GPAM: variants seen among roughly 807,000 people sequenced by gnomAD.
The protein encoded by GPAM is glycerol-3-phosphate acyltransferase 1, mitochondrial.
A neutral mutation model predicts 105.0 loss-of-function variants in GPAM; 56 were observed. That is an observed-to-expected ratio of 0.53 (90% CI 0.43 to 0.67). The LOEUF (loss-of-function observed/expected upper bound fraction) is 0.67. Ranked by LOEUF, GPAM falls within the 30% of genes least tolerant of loss-of-function variation. GPAM has a pLI of 0.00. For missense variants in GPAM, 855 were observed against 989.8 expected (o/e 0.86, Z 1.83); for synonymous variants, 368 against 354.4 (o/e 1.04, Z -0.43).
intron 17 of GPAM, among the ~76,000 whole-genome samples, chr10:112,159,524 A>G (rs544044232): frequency 7.9e-5 from 12 of 152,180 alleles, no homozygotes; most frequent in Admixed American, 4.6e-4. Flanking sequence ...CACCTGGCCG[A>G]GCAGATGATT....
chr10:112,201,622 A>C (rs140574003), intron 1 of GPAM, among the ~76,000 whole-genome samples: 1 of 152,180 alleles, frequency 6.6e-6, no homozygotes, highest in African/African-American at 2.4e-5. Flanking sequence ...ATTCATTATT[A>C]TTTTTAGACC....
intron 5 of GPAM, among the ~76,000 whole-genome samples, chr10:112,177,114 G>A (rs1026822465): frequency 3.3e-5 from 5 of 152,172 alleles, no homozygotes; most frequent in Non-Finnish European, 7.3e-5. Context: ...AAAAGAGAGA[G>A]AGAGAGAGAC....
rs35019520 is a variant in GPAM, at chr10:112,166,466, A to G, written c.1157T>C (p.Ile386Thr). Residue 386 changes from isoleucine to threonine, a missense_variant, in exon 12 of 22, where the codon ATT becomes ACT. Transcript: ENST00000348367. The part of the protein sequence containing the change: ...ESLWSVARGV[I>T]RMLRKNYGCV... ...ACCATAGTTTTTTCGTAACATTCTA[A>G]TAACACCTCTTGCTACACTCCACAG... 0.012 allele frequency: 18,718 copies of G among 1,612,442 alleles called. 131 individuals are homozygous for G. Among genetic ancestry groups the G allele is most frequent in the Non-Finnish European group, 0.013 (15,762 of 1,178,394 alleles).
intron 2 of GPAM, among the ~76,000 whole-genome samples, chr10:112,182,034 T>A (rs1847518812): frequency 6.6e-6 from 1 of 152,122 alleles, no homozygotes; most frequent in African/African-American, 2.4e-5. Context: ...GCATTTGTAT[T>A]CTAAGACTTC....
In GPAM at chr10:112,152,688, G is replaced by A. The variant is rs1263474388; in HGVS notation, c.*862C>T. 6 of 985,164 alleles carry A rather than the reference G, an allele frequency of 6.1e-6. No individual in the cohort carries two copies. The highest frequency in any genetic ancestry group is 5.2e-4 in the Middle Eastern group (1 of 1,932). The allele number at this position is 985,164 out of a possible 1,614,324, so 61.0% of individuals were successfully genotyped here. ...GGATTTCCAAGAAACAGCTGTACCT[G>A]TGAGAGGCAGGTATTACCTGAGGGG... On this transcript the variant is annotated 3_prime_UTR_variant, in exon 22 of 22. Coordinates refer to ENST00000348367, the MANE Select transcript of GPAM (RefSeq NM_001244949.2).
chr10:112,150,644 T>C lies in GPAM; in HGVS notation c.*2906A>G. The C allele has an allele frequency of 4.4e-6, 4 of 910,326 alleles. No individual in the cohort carries two copies. The highest frequency in any genetic ancestry group is 5.3e-6 in the Non-Finnish European group (4 of 761,390). The allele number at this position is 910,326 out of a possible 1,614,324, so 56.4% of individuals were successfully genotyped here. A position where few individuals can be genotyped will look rare whatever the true frequency, so the allele number is the denominator to read the frequency against. The stretch of plus-strand genomic sequence containing the variant: ...AGTATCCCAAAGGAGAAAAAGGTCC[T>C]GGTGTCAAAATAGTTTGGGCAATGC... On this transcript the variant is annotated 3_prime_UTR_variant, in exon 22 of 22. Transcript: ENST00000348367.
intron 4 of GPAM, 131 bp downstream of exon 4, chr10:112,180,342 T>G (rs927481103): frequency 1.2e-5 from 10 of 824,536 alleles, no homozygotes; most frequent in Non-Finnish European, 2.0e-5. Flanking sequence ...ACATCTTTAC[T>G]TGAAATATTT....
chr10:112,176,713 T>A (rs1402942650), intron 5 of GPAM, among the ~76,000 whole-genome samples: 1 of 152,208 alleles, frequency 6.6e-6, no homozygotes, highest in African/African-American at 2.4e-5. Flanking sequence ...AAGCTCTCTA[T>A]GAAATCCCTT....
In GPAM at chr10:112,150,542, G is replaced by A. The variant is rs192661371; in HGVS notation, c.*3008C>T. ...GCCCCAGTGCTATCTGTTCATTACC[G>A]TTTTGTCTCCTTAAAGAACTATCTA... On this transcript the variant is annotated 3_prime_UTR_variant, in exon 22 of 22. Coordinates refer to ENST00000348367, the MANE Select transcript of GPAM (RefSeq NM_001244949.2). 8.9e-5 allele frequency: 88 copies of A among 985,380 alleles called. 1 individual carries two copies. In the East Asian group the frequency reaches 4.7e-3, roughly 52 times the overall value. 61.0% of individuals were successfully genotyped at this position (985,380 alleles called of 1,614,324 possible).
chr10:112,151,211 A>C lies in GPAM; in HGVS notation c.*2339T>G. The C allele has an allele frequency of 1.0e-6, 1 of 985,010 alleles. No individual in the cohort carries two copies. The highest frequency in any genetic ancestry group is 1.2e-6 in the Non-Finnish European group (1 of 829,200). 61.0% of individuals were successfully genotyped at this position (985,010 alleles called of 1,614,324 possible). A position where few individuals can be genotyped will look rare whatever the true frequency, so the allele number is the denominator to read the frequency against. ...GAGTAAACTGTAATAAATTATTTAC[A>C]AGCACCTAGTTTGTTTAACCTTATG... is the stretch of plus-strand genomic sequence containing the variant. On this transcript the variant is annotated 3_prime_UTR_variant, in exon 22 of 22. Transcript: ENST00000348367.
chr10:112,190,759 G>C (rs570552327), intron 1 of GPAM, among the ~76,000 whole-genome samples: 1 of 152,058 alleles, frequency 6.6e-6, no homozygotes, highest in African/African-American at 2.4e-5. Context: ...CATATATATT[G>C]GTTTATGAAA....
chr10:112,221,468 G>A, the GPAM span, among the ~76,000 whole-genome samples: 1 of 152,168 alleles, frequency 6.6e-6, no homozygotes, highest in Non-Finnish European at 1.5e-5. Flanking sequence ...CACCCCAGAA[G>A]CCCTGGGGAC....
chr10:112,160,477 A>G (rs1447850567), intron 16 of GPAM, 127 bp downstream of exon 16: 2 of 1,239,872 alleles, frequency 1.6e-6, no homozygotes, highest in Admixed American at 2.2e-5. Context: ...TCGTTTGAAA[A>G]CTAAAATTAT....
intron 14 of GPAM, among the ~76,000 whole-genome samples, chr10:112,162,768 C>T (rs1233512277): frequency 1.3e-5 from 2 of 152,092 alleles, no homozygotes; most frequent in East Asian, 3.9e-4. Context: ...CACAGCAACA[C>T]CACTGGTTAT....
chr10:112,156,935 T>G (rs996733605), intron 19 of GPAM: 17 of 522,114 alleles, frequency 3.3e-5, no homozygotes, highest in Non-Finnish European at 5.4e-5. Flanking sequence ...GGCAGCTCAA[T>G]AGCAAAACTG....
chr10:112,186,771 G>A (rs536935782), upstream of GPAM, among the ~76,000 whole-genome samples: 8 of 152,196 alleles, frequency 5.3e-5, no homozygotes, highest in East Asian at 3.9e-4. Flanking sequence ...GGCCGGTCTC[G>A]ATCTCCTGAC....
At chr10:112,184,460 C>T (rs1338211508), upstream of GPAM, among the ~76,000 whole-genome samples, 7 of 152,138 alleles carry the variant, frequency 4.6e-5, no homozygotes, top group African/African-American at 1.7e-4. Context: ...ATTCATAAGT[C>T]ATAACATCGA....
At position 112,157,256 on chromosome 10, in the gene GPAM, T is replaced by C. The variant is rs759405368; in HGVS notation, c.2114A>G (p.Tyr705Cys). 2 of 1,613,668 alleles carry C rather than the reference T, an allele frequency of 1.2e-6. No homozygotes were observed. The highest frequency in any genetic ancestry group is 4.5e-5 in the East Asian group (2 of 44,890). The change falls in exon 19 of 22, where the codon TAC (tyrosine) becomes TGC (cysteine). Residue 705 changes from tyrosine (Y) to cysteine (C), a missense_variant. Transcript: ENST00000348367. ...AATTCTTCACCCAAGTACCTTCAGG[T>C]AGCAATCTCGCTGTTCCTCCCCAAA... ...SDFGEEQRDC[Y>C]LKVSQSKEHQ...
rs148745353 is a variant in GPAM at position 112,213,161 on chromosome 10, A to G, written n.210+2007T>C. Among the ~76,000 whole-genome samples the G allele has an allele frequency of 4.8e-3, 734 of 152,246 alleles. 4 individuals carry two copies. Among genetic ancestry groups the G allele is most frequent in the African/African-American group, 0.017 (702 of 41,546 alleles). On this transcript the variant is annotated intron_variant and non_coding_transcript_variant, in intron 1 of 3. Coordinates refer to the GPAM transcript ENST00000480130. ...CAACCGAGCATGTGAAACAGTTACA[A>G]TGTTTTTACCATCAGCCTGCTATCA...
Sources: gnomAD v4.1 joint callset for allele counts (sites outside exome capture counted in the v4.1 genomes callset) on GRCh38, gnomAD v4.1.1 for gene constraint, MANE v1.5 for transcripts, NCBI Gene and HGNC (gene_info 2026-07-23, HGNC 2026-07-21) for gene names.